EBF4: variants seen among roughly 807,000 people sequenced by gnomAD.
EBF4 encodes EBF transcription factor 4, also known as transcription factor COE4.
EBF4 carries 34 observed loss-of-function variants against 67.1 expected under a neutral mutation model. That is an observed-to-expected ratio of 0.51 (90% CI 0.39 to 0.67). The LOEUF (loss-of-function observed/expected upper bound fraction) is 0.67, where lower values mean the gene tolerates loss of function less well. Among genes scored for constraint, EBF4 ranks in the 30% least tolerant of loss-of-function variants. The probability of loss-of-function intolerance (pLI) is 0.00; values close to 1 mark genes in which losing one functional copy is unlikely to be tolerated. For missense variants in EBF4, 837 were observed against 873.3 expected, an observed-to-expected ratio of 0.96 and a Z score of 0.52; for synonymous variants, 387 against 377.7, an observed-to-expected ratio of 1.02 and a Z score of -0.29.
At chr20:2,733,380 T>C (rs958441840) in intron 6 of EBF4, among the ~76,000 whole-genome samples, 15 of 152,328 alleles carry the variant, frequency 9.8e-5, no homozygotes, top group African/African-American at 3.6e-4. Flanking sequence ...TGTGTCTTTG[T>C]ATAGATCATA....
At chr20:2,749,796 G>A (rs1360313649) in intron 9 of EBF4, 43 bp downstream of exon 9, 1 of 1,541,410 alleles carries the variant, frequency 6.5e-7, no homozygotes, top group Non-Finnish European at 8.8e-7. Flanking sequence ...TAGGGGCTGG[G>A]CCCTCCCCTC....
Position 2,693,961 on chromosome 20 carries a change from G to A in EBF4, c.137+179G>A, listed in dbSNP as rs2087250196. Among the ~76,000 whole-genome samples, 1 of 151,968 alleles carries A rather than the reference G, an allele frequency of 6.6e-6. No homozygotes were observed. The highest frequency in any genetic ancestry group is 2.1e-4 in the South Asian group (1 of 4,838). On this transcript the variant is annotated intron_variant, in intron 1 of 16. Transcript: ENST00000609451. The surrounding 1 kb of genome is among the most constrained non-coding windows in gnomAD (Gnocchi z 4.6). ...TGCTGCCTCCTGAGGCTGTGGGGCG[G>A]GCTGGGGCGGGGCTTCTGCCTCCAC...
At chr20:2,758,745 C>G (rs2088280735) in intron 15 of EBF4, 164 bp from the exon 16 acceptor site, 1 of 657,704 alleles carries the variant, frequency 1.5e-6, no homozygotes, top group South Asian at 1.8e-5. Context: ...AGAGGCACCC[C>G]TCACCCCGAT....
intron 6 of EBF4, among the ~76,000 whole-genome samples, chr20:2,748,115 T>G (rs2088078211): frequency 6.6e-6 from 1 of 152,124 alleles, no homozygotes; most frequent in South Asian, 2.1e-4. Flanking sequence ...ATACACAGTG[T>G]GTGATAACAT....
At chr20:2,695,635 A>AGCT (rs2087277737) in intron 1 of EBF4, among the ~76,000 whole-genome samples, 1 of 152,006 alleles carries the variant, frequency 6.6e-6, no homozygotes, top group Non-Finnish European at 1.5e-5. Context: ...TCCCAGAGGG[A>AGCT]GCTGCCTCAT....
At chr20:2,721,594 A>G (rs1447629343) in intron 6 of EBF4, among the ~76,000 whole-genome samples, 1 of 151,998 alleles carries the variant, frequency 6.6e-6, no homozygotes, top group Non-Finnish European at 1.5e-5. Flanking sequence ...AACTGGGTTT[A>G]CAGGCAAGTG....
At chr20:2,729,234 T>C (rs1428003249) in intron 6 of EBF4, among the ~76,000 whole-genome samples, 4 of 151,980 alleles carry the variant, frequency 2.6e-5, no homozygotes, top group Admixed American at 6.6e-5. Flanking sequence ...CGACTCCTAT[T>C]GAGCGCATTT....
At chr20:2,735,362 G>T (rs956005967) in intron 6 of EBF4, among the ~76,000 whole-genome samples, 2 of 152,184 alleles carry the variant, frequency 1.3e-5, no homozygotes, top group African/African-American at 2.4e-5. Flanking sequence ...AACAGGGCTG[G>T]GGAGTAGGGG....
chr20:2,723,228 T>G (rs1158825236), intron 6 of EBF4, among the ~76,000 whole-genome samples: 7 of 152,254 alleles, frequency 4.6e-5, no homozygotes, highest in Admixed American at 3.3e-4. Context: ...TTATCTGATA[T>G]TATTTACAGG....
chr20:2,759,144 G>A (rs555178575), intron 16 of EBF4, 124 bp from the exon 17 acceptor site: 601 of 701,804 alleles, frequency 8.6e-4, no homozygotes, highest in Non-Finnish European at 1.3e-3. Context: ...CATCTAGACA[G>A]CTTTCTGAGG....
At chr20:2,725,762 C>T (rs1430107163) in intron 6 of EBF4, among the ~76,000 whole-genome samples, 1 of 152,218 alleles carries the variant, frequency 6.6e-6, no homozygotes, top group African/African-American at 2.4e-5. Context: ...CTCAGAGGAT[C>T]CAGGGCCCTC....
At position 2,751,321 on chromosome 20, in the gene EBF4, ACTC is replaced by A. The variant is rs1485036563; in HGVS notation, c.1019-376_1019-374del. The stretch of plus-strand genomic sequence containing the variant: ...TTAAGTTTTTTCTTTTTTATAATAA[ACTC>A]CTGATTTGACCAGATGAAAAGAGAA... On this transcript the variant is annotated intron_variant, in intron 10 of 16. Coordinates refer to ENST00000609451, the Ensembl canonical transcript of EBF4. This position sits in a 1 kb window ranked among gnomAD's most constrained non-coding sequence, Gnocchi z 5.2. Among the ~76,000 whole-genome samples, 9 of 151,580 alleles carry A rather than the reference ACTC, an allele frequency of 5.9e-5. No individual in the cohort carries two copies. The highest frequency in any genetic ancestry group is 1.3e-4 in the Non-Finnish European group (9 of 67,892).
intron 6 of EBF4, among the ~76,000 whole-genome samples, chr20:2,730,466 A>G (rs1246044645): frequency 6.6e-6 from 1 of 152,208 alleles, no homozygotes; most frequent in Non-Finnish European, 1.5e-5. Flanking sequence ...CAGATCCTGC[A>G]AAGACCCTTT....
intron 6 of EBF4, among the ~76,000 whole-genome samples, chr20:2,746,646 A>G (rs755997463): frequency 2.6e-5 from 4 of 152,128 alleles, no homozygotes; most frequent in African/African-American, 4.8e-5. Context: ...CAGAAATTTA[A>G]TGTTTGCAGA....
chr20:2,702,567 A>G (rs1432218666), intron 1 of EBF4, among the ~76,000 whole-genome samples: 1 of 152,236 alleles, frequency 6.6e-6, no homozygotes, highest in African/African-American at 2.4e-5. Flanking sequence ...AGAGGAGGAA[A>G]CATTTTCCAT....
rs1381173687 is a variant in EBF4, at chr20:2,749,528, C to T, written c.757+10C>T. On this transcript the variant is annotated intron_variant, in intron 8 of 16. Transcript: ENST00000609451. Reference sequence around the variant, plus strand: ...CTGGACCCCTCCGAAGGTCAGGACCCCCGGCCCAGCCCCGGCCGCCGCGGG... The same window carrying T: ...CTGGACCCCTCCGAAGGTCAGGACCTCCGGCCCAGCCCCGGCCGCCGCGGG... The T allele has an allele frequency of 6.5e-7, 1 of 1,542,088 alleles. No individual in the cohort carries two copies. Among genetic ancestry groups the T allele is most frequent in the East Asian group, 2.5e-5 (1 of 40,626 alleles).
intron 6 of EBF4, among the ~76,000 whole-genome samples, chr20:2,736,988 G>T (rs762200136): frequency 2.7e-4 from 41 of 152,034 alleles, no homozygotes; most frequent in East Asian, 2.1e-3. Flanking sequence ...GGTGGCTCAC[G>T]CTTGTAATCC....
chr20:2,733,070 A>C (rs1312913050), intron 6 of EBF4, among the ~76,000 whole-genome samples: 1 of 152,196 alleles, frequency 6.6e-6, no homozygotes, highest in Non-Finnish European at 1.5e-5. Context: ...CTTGTAGGAC[A>C]AACCTGTTAG....
chr20:2,733,238 G>C (rs1305248455), intron 6 of EBF4, among the ~76,000 whole-genome samples: 1 of 152,164 alleles, frequency 6.6e-6, no homozygotes, highest in Non-Finnish European at 1.5e-5. Context: ...ACTGCCTTCT[G>C]TCCTTCATGG....
Sources: allele counts gnomAD v4.1 joint callset (sites outside exome capture counted in the v4.1 genomes callset), GRCh38; gene constraint gnomAD v4.1.1; non-coding constraint Gnocchi (gnomAD v3.1); transcripts MANE v1.5; gene names NCBI Gene and HGNC (gene_info 2026-07-23, HGNC 2026-07-21).